KCNIP4: variants seen among roughly 807,000 people sequenced by gnomAD.
KCNIP4 encodes Kv channel-interacting protein 4.
Under a neutral mutation model 34.0 loss-of-function variants are expected in KCNIP4, and 12 were observed. The ratio of observed to expected loss-of-function variants is 0.35; its 90% CI spans 0.23 to 0.57. The LOEUF (loss-of-function observed/expected upper bound fraction) is 0.57. Ranked by LOEUF, KCNIP4 falls within the 20% of genes least tolerant of loss-of-function variation. KCNIP4 has a pLI of 0.83. For synonymous variants in KCNIP4, 124 were observed against 102.2 expected (o/e 1.21, Z -1.29); for missense variants, 238 against 311.7 (o/e 0.76, Z 1.78).
At chr4:21,546,977 A>C (rs1325833210) in intron 1 of KCNIP4, among the ~76,000 whole-genome samples, 1 of 152,010 alleles carries the variant, frequency 6.6e-6, no homozygotes, top group Non-Finnish European at 1.5e-5. Context: ...ACAAATATCT[A>C]CTCCAATTTC....
intron 1 of KCNIP4, chr4:21,304,086 AC>A: frequency 4.0e-6 from 1 of 247,484 alleles, no homozygotes; most frequent in Non-Finnish European, 5.7e-6. Context: ...AGAGAGAGAG[AC>A]AGAGAGAGAG....
chr4:21,931,809 G>C (rs1729585456), intron 1 of KCNIP4, among the ~76,000 whole-genome samples: 2 of 152,168 alleles, frequency 1.3e-5, no homozygotes, highest in East Asian at 1.9e-4. Flanking sequence ...TGGGATTGCT[G>C]GGTCAAATGG....
At chr4:21,198,498 C>T (rs1465584796) in intron 1 of KCNIP4, among the ~76,000 whole-genome samples, 3 of 152,178 alleles carry the variant, frequency 2.0e-5, no homozygotes, top group African/African-American at 4.8e-5. Context: ...TTGTCTTCTC[C>T]CATTTATTCC....
chr4:20,929,214 G>A (rs1730191528), intron 1 of KCNIP4, among the ~76,000 whole-genome samples: 1 of 151,942 alleles, frequency 6.6e-6, no homozygotes, highest in Non-Finnish European at 1.5e-5. Context: ...TAGCATGCAA[G>A]GCTGGTTTAA....
chr4:21,890,592 C>T (rs924789884), intron 1 of KCNIP4, among the ~76,000 whole-genome samples: 1 of 152,048 alleles, frequency 6.6e-6, no homozygotes, highest in East Asian at 1.9e-4. Context: ...CCAGATACTA[C>T]CACAAGGATG....
intron 1 of KCNIP4, among the ~76,000 whole-genome samples, chr4:21,058,719 ACT>A (rs1470598890): frequency 1.3e-5 from 2 of 152,176 alleles, no homozygotes; most frequent in Middle Eastern, 3.4e-3. Context: ...AGTTACCCAA[ACT>A]TTTTTCTATA....
chr4:21,093,811 G>T (rs571699193), intron 1 of KCNIP4, among the ~76,000 whole-genome samples: 2 of 152,126 alleles, frequency 1.3e-5, no homozygotes, highest in African/African-American at 2.4e-5. Flanking sequence ...GGCCAGGCAC[G>T]TTGGCTGACG....
chr4:21,259,805 C>CA (rs1761332015), intron 1 of KCNIP4, among the ~76,000 whole-genome samples: 2 of 151,866 alleles, frequency 1.3e-5, no homozygotes, highest in South Asian at 4.2e-4. Flanking sequence ...AGGTTCTTTC[C>CA]AACAAAAGAA....
At chr4:21,740,497 T>A (rs1350169880) in intron 1 of KCNIP4, among the ~76,000 whole-genome samples, 1 of 152,064 alleles carries the variant, frequency 6.6e-6, no homozygotes, top group Non-Finnish European at 1.5e-5. Context: ...ATATAGAATA[T>A]TCAGTGGTAA....
intron 1 of KCNIP4, among the ~76,000 whole-genome samples, chr4:21,634,311 A>G (rs1276976553): frequency 6.6e-6 from 1 of 151,806 alleles, no homozygotes; most frequent in Non-Finnish European, 1.5e-5. Flanking sequence ...ATCTCATTCA[A>G]TGGAAGTCAA....
At chr4:21,034,037 A>C (rs1166544644) in intron 1 of KCNIP4, among the ~76,000 whole-genome samples, 1 of 152,196 alleles carries the variant, frequency 6.6e-6, no homozygotes, top group Non-Finnish European at 1.5e-5. Flanking sequence ...TTGATTTTCC[A>C]AGTAATTAAT....
chr4:20,852,128 T>C (rs2874862), intron 2 of KCNIP4, among the ~76,000 whole-genome samples: 53,505 of 152,098 alleles, frequency 0.35, 10,420 homozygotes, highest in Admixed American at 0.46. Flanking sequence ...TAATTCATTC[T>C]ATGAAGCATC....
intron 1 of KCNIP4, among the ~76,000 whole-genome samples, chr4:21,215,131 T>G (rs1757466682): frequency 6.6e-6 from 1 of 152,214 alleles, no homozygotes; most frequent in African/African-American, 2.4e-5. Flanking sequence ...GGATATATTA[T>G]CCTCACTCTG....
intron 1 of KCNIP4, chr4:21,762,785 T>C (rs1299490629): frequency 8.0e-6 from 4 of 502,516 alleles, no homozygotes; most frequent in Non-Finnish European, 1.2e-5. Flanking sequence ...CAAAACCATC[T>C]TCCAGTCATG....
chr4:20,967,839 C>A (rs1029076732), intron 1 of KCNIP4, among the ~76,000 whole-genome samples: 1 of 152,080 alleles, frequency 6.6e-6, no homozygotes, highest in Non-Finnish European at 1.5e-5. Flanking sequence ...AGAAGAAAAC[C>A]TAGGCAATAC....
chr4:21,430,645 TTTTAATC>T (rs1272991235), intron 1 of KCNIP4, among the ~76,000 whole-genome samples: 1 of 152,128 alleles, frequency 6.6e-6, no homozygotes, highest in East Asian at 1.9e-4. Flanking sequence ...TGTTCTTCCT[TTTTAATC>T]TTTAATCCTT....
intron 1 of KCNIP4, among the ~76,000 whole-genome samples, chr4:21,859,996 G>A (rs1724980595): frequency 1.3e-5 from 2 of 152,144 alleles, no homozygotes. Context: ...AGCTGTGATG[G>A]TGCCACTGCA....
rs944364280 is a variant in KCNIP4 at position 21,944,370 on chromosome 4, G to A, written c.61+4201C>T. 4.0e-5 allele frequency among the ~76,000 whole-genome samples: 6 copies of A among 151,390 alleles called. No homozygotes were observed. The East Asian group carries it at 9.8e-4, about 25-fold the overall frequency. ...ACCAGCCTGACCAACGTGGTGAAAC[G>A]CCATCTCTACTAAAAATACAAAAAG... On this transcript the variant is annotated intron_variant, in intron 1 of 8. Transcript: ENST00000382152.
At chr4:21,771,510 TTGAA>T (rs1718786997) in intron 1 of KCNIP4, among the ~76,000 whole-genome samples, 1 of 152,200 alleles carries the variant, frequency 6.6e-6, no homozygotes, top group Non-Finnish European at 1.5e-5. Context: ...GGGAATAGCA[TTGAA>T]TCTATAAATT....
Sources: allele counts gnomAD v4.1 joint callset (sites outside exome capture counted in the v4.1 genomes callset), GRCh38; gene constraint gnomAD v4.1.1; transcripts MANE v1.5; gene names NCBI Gene and HGNC (gene_info 2026-07-23, HGNC 2026-07-21).